NXPH1: variants seen among roughly 807,000 people sequenced by gnomAD.
The protein encoded by NXPH1 is neurexophilin-1.
In NXPH1, 5 loss-of-function variants were observed where a neutral mutation model predicts 23.7. The ratio of observed to expected loss-of-function variants is 0.21; its 90% CI spans 0.11 to 0.44. The LOEUF (loss-of-function observed/expected upper bound fraction) is 0.44, where lower values mean the gene tolerates loss of function less well. Ranked by LOEUF, NXPH1 falls within the 20% of genes least tolerant of loss-of-function variation. The probability of loss-of-function intolerance (pLI) is 0.99; values close to 1 mark genes in which losing one functional copy is unlikely to be tolerated. For synonymous variants in NXPH1, 144 were observed against 122.2 expected, an observed-to-expected ratio of 1.18 and a Z score of -1.18; for missense variants, 324 against 321.6, an observed-to-expected ratio of 1.01 and a Z score of -0.06.
chr7:8,558,328 G>C (rs1157012437), intron 2 of NXPH1, among the ~76,000 whole-genome samples: 3 of 151,646 alleles, frequency 2.0e-5, no homozygotes, highest in Non-Finnish European at 4.4e-5. Context: ...ATGGAAGCGA[G>C]TTGTAATTCT....
chr7:8,460,246 T>G lies in NXPH1; in HGVS notation c.54+24479T>G, dbSNP rs1000574591. Among the ~76,000 whole-genome samples, 9 of 152,284 alleles carry G rather than the reference T, an allele frequency of 5.9e-5. 1 individual carries two copies. Among genetic ancestry groups the G allele is most frequent in the Admixed American group, 1.3e-4 (2 of 15,290 alleles). On this transcript the variant is annotated intron_variant, in intron 2 of 2. Transcript: ENST00000405863. ...AAAGTAAAAAAATTTTACCTGAAAT[T>G]TATTATTTACTAATTTTGTACCTCT...
At chr7:8,456,346 A>G (rs1816593098) in intron 2 of NXPH1, among the ~76,000 whole-genome samples, 1 of 152,224 alleles carries the variant, frequency 6.6e-6, no homozygotes, top group Non-Finnish European at 1.5e-5. Context: ...GCATATTATA[A>G]TTGTTCATCA....
At chr7:8,602,758 C>T (rs1819388202) in intron 2 of NXPH1, among the ~76,000 whole-genome samples, 2 of 152,216 alleles carry the variant, frequency 1.3e-5, no homozygotes, top group East Asian at 3.9e-4. Flanking sequence ...AGGCAGGGTC[C>T]ACCTTCATAG....
intron 2 of NXPH1, among the ~76,000 whole-genome samples, chr7:8,593,680 C>G (rs536646606): frequency 1.3e-5 from 2 of 152,132 alleles, no homozygotes; most frequent in Admixed American, 1.3e-4. Context: ...GTCTTGATGT[C>G]TTGCTGTCTC....
chr7:8,688,621 G>A (rs1043029534), intron 2 of NXPH1, among the ~76,000 whole-genome samples: 2 of 152,244 alleles, frequency 1.3e-5, no homozygotes, highest in Admixed American at 1.3e-4. Context: ...AGCTTAGTGT[G>A]TTGTATTCAA....
intron 2 of NXPH1, among the ~76,000 whole-genome samples, chr7:8,699,313 T>A (rs1025164516): frequency 1.3e-5 from 2 of 152,130 alleles, no homozygotes; most frequent in Admixed American, 6.6e-5. Context: ...CATACATACT[T>A]TTATTTTAAG....
At chr7:8,606,308 T>G (rs1819489713) in intron 2 of NXPH1, among the ~76,000 whole-genome samples, 1 of 152,158 alleles carries the variant, frequency 6.6e-6, no homozygotes, top group African/African-American at 2.4e-5. Flanking sequence ...AAAACTCTTC[T>G]CCTTTTCCCC....
intron 2 of NXPH1, among the ~76,000 whole-genome samples, chr7:8,492,781 T>C (rs908806046): frequency 1.3e-4 from 20 of 151,990 alleles, no homozygotes; most frequent in African/African-American, 4.6e-4. Flanking sequence ...ACTAATGCCA[T>C]GGAAATTGTT....
chr7:8,537,433 A>G (rs2040769), intron 2 of NXPH1, among the ~76,000 whole-genome samples: 40,919 of 151,874 alleles, frequency 0.27, 6,737 homozygotes, highest in Admixed American at 0.41. Flanking sequence ...GGAAGCAAAC[A>G]TGTCCTTCAC....
At chr7:8,748,718 G>A (rs1357994320) in intron 2 of NXPH1, among the ~76,000 whole-genome samples, 1 of 152,050 alleles carries the variant, frequency 6.6e-6, no homozygotes, top group Non-Finnish European at 1.5e-5. Context: ...AGTTTTTTTT[G>A]TTAGCCTACC....
intron 2 of NXPH1, among the ~76,000 whole-genome samples, chr7:8,733,770 G>C (rs1215346006): frequency 6.6e-6 from 1 of 152,062 alleles, no homozygotes; most frequent in Non-Finnish European, 1.5e-5. Flanking sequence ...GTAGATTCTG[G>C]ATATTAGCCC....
At chr7:8,642,336 T>A (rs1014215244) in intron 2 of NXPH1, among the ~76,000 whole-genome samples, 5 of 152,222 alleles carry the variant, frequency 3.3e-5, no homozygotes, top group African/African-American at 1.2e-4. Flanking sequence ...AAAGGTCTGA[T>A]GCCATTATCA....
chr7:8,704,589 T>C (rs1177867210), intron 2 of NXPH1, among the ~76,000 whole-genome samples: 1 of 152,088 alleles, frequency 6.6e-6, no homozygotes, highest in African/African-American at 2.4e-5. Context: ...CAAGTGGTAA[T>C]GCCTAGCCTT....
At chr7:8,639,572 T>C (rs1236108613) in intron 2 of NXPH1, among the ~76,000 whole-genome samples, 1 of 152,220 alleles carries the variant, frequency 6.6e-6, no homozygotes, top group Non-Finnish European at 1.5e-5. Context: ...TTAGTGAGGC[T>C]GAGCATCTTT....
rs1165563540 is a variant in NXPH1 at position 8,552,118 on chromosome 7, A to AC, written c.54+116351_54+116352insC. Among the ~76,000 whole-genome samples, 569 of 143,846 alleles carry AC rather than the reference A, an allele frequency of 4.0e-3. 13 individuals are homozygous for AC. The highest frequency in any genetic ancestry group is 0.033 in the East Asian group (168 of 5,054). 94.4% of individuals were successfully genotyped at this position (143,846 alleles called of 152,430 possible). ...AATTGTCTGCAGAAAAAAAACCAAA[A>AC]AAAAAAAAAAAAAAAAAAAAAAAAC... On this transcript the variant is annotated intron_variant, in intron 2 of 2. Coordinates refer to ENST00000405863, the MANE Select transcript of NXPH1 (RefSeq NM_152745.3).
chr7:8,697,728 A>G (rs17154145), intron 2 of NXPH1, among the ~76,000 whole-genome samples: 61,225 of 152,024 alleles, frequency 0.4, 12,590 homozygotes, highest in Non-Finnish European at 0.45. Context: ...TAGGTGAAGA[A>G]GTCAGGTAGG....
intron 2 of NXPH1, among the ~76,000 whole-genome samples, chr7:8,576,053 A>G (rs1818748416): frequency 6.6e-6 from 1 of 152,214 alleles, no homozygotes; most frequent in African/African-American, 2.4e-5. Context: ...CTGATTGTCC[A>G]GAATAGCTTC....
chr7:8,449,936 T>C (rs759385244), intron 2 of NXPH1, among the ~76,000 whole-genome samples: 6 of 152,216 alleles, frequency 3.9e-5, no homozygotes, highest in Non-Finnish European at 7.3e-5. Context: ...ATATTGATGA[T>C]TGTGACTGCA....
chr7:8,730,086 A>G (rs1780123751), intron 2 of NXPH1, among the ~76,000 whole-genome samples: 2 of 151,922 alleles, frequency 1.3e-5, no homozygotes, highest in African/African-American at 2.4e-5. Context: ...TCCCTTTACC[A>G]TTATGTAATG....
Sources: allele counts gnomAD v4.1 joint callset (sites outside exome capture counted in the v4.1 genomes callset), GRCh38; gene constraint gnomAD v4.1.1; transcripts MANE v1.5; gene names NCBI Gene and HGNC (gene_info 2026-07-23, HGNC 2026-07-21).